Variants in N4BP2 observed in about 807,000 individuals in gnomAD.
N4BP2 encodes the protein NEDD4-binding protein 2.
A neutral mutation model predicts 152.8 loss-of-function variants in N4BP2; 91 were observed. The ratio of observed to expected loss-of-function variants is 0.60; its 90% CI spans 0.50 to 0.71. N4BP2 has a LOEUF of 0.71. Among genes scored for constraint, N4BP2 ranks in the 30% least tolerant of loss-of-function variants. N4BP2 has a pLI of 0.00. For synonymous variants in N4BP2, 646 were observed against 705.3 expected (o/e 0.92, Z 1.33); for missense variants, 1,923 against 2,059.1 (o/e 0.93, Z 1.28).
rs113970476 is a variant in N4BP2 at position 40,102,330 on chromosome 4, A to G, written c.485A>G (p.Tyr162Cys). 1 of 1,613,470 alleles carries G rather than the reference A, an allele frequency of 6.2e-7. No individual in the cohort carries two copies. The highest frequency in any genetic ancestry group is 8.5e-7 in the Non-Finnish European group (1 of 1,179,788). The change falls in exon 4 of 18, where the codon TAC (tyrosine) becomes TGC (cysteine). Residue 162 changes from tyrosine to cysteine, a missense_variant. By Grantham distance (194) the Tyr-to-Cys change is radical. Coordinates refer to ENST00000261435, the MANE Select transcript of N4BP2 (RefSeq NM_018177.6). ...AACTCTTCTCCTGATGACCAAGTATACTCATTTTTGCCTTCACAAGATGTT... is the reference window on the plus strand; with the variant it reads ...AACTCTTCTCCTGATGACCAAGTATGCTCATTTTTGCCTTCACAAGATGTT... The part of the protein sequence containing the change: ...KLNSSPDDQV[Y>C]SFLPSQDVNS...
intron 1 of N4BP2, among the ~76,000 whole-genome samples, chr4:40,072,242 A>ATTTTTT (rs34754962): frequency 3.4e-5 from 4 of 117,572 alleles, no homozygotes; most frequent in Non-Finnish European, 3.4e-5. Context: ...TGCCTGGCTA[A>ATTTTTT]TTTTTTTTTT....
chr4:40,109,347 GC>G (rs1181885418), intron 5 of N4BP2, among the ~76,000 whole-genome samples: 3 of 152,014 alleles, frequency 2.0e-5, no homozygotes, highest in African/African-American at 7.3e-5. Flanking sequence ...ACTTTCCAAG[GC>G]CCAGTGTCCC....
chr4:40,066,320 CT>C (rs11384930), intron 1 of N4BP2, among the ~76,000 whole-genome samples: 35,832 of 128,556 alleles, frequency 0.28, 4,187 homozygotes, highest in South Asian at 0.44. Context: ...GTGATTTTCC[CT>C]TTTTTTTTTT....
At chr4:40,085,733 G>A (rs564319422) in intron 2 of N4BP2, among the ~76,000 whole-genome samples, 3 of 152,304 alleles carry the variant, frequency 2.0e-5, no homozygotes, top group East Asian at 3.9e-4. Context: ...GAGAGTGGCA[G>A]TGTCCTCTGG....
rs532981291 is a variant in N4BP2 at position 40,121,953 on chromosome 4, C to T, written c.3842C>T (p.Pro1281Leu). 3 of 1,563,928 alleles carry T rather than the reference C, an allele frequency of 1.9e-6. No homozygotes were observed. The African/African-American group carries it at 4.1e-5, about 22-fold the overall frequency. Residue 1281 changes from proline (P) to leucine (L), a missense_variant, in exon 9 of 18, where the codon CCT (proline) becomes CTT (leucine). Physicochemically the swap from Pro to Leu is moderately conservative, Grantham distance 98. Transcript: ENST00000261435. ...VTETGDNIHSPSHFSDIFNFV... is the reference protein window; with the variant it reads ...VTETGDNIHSLSHFSDIFNFV... ...GAGACTGGAGACAACATACATTCTC[C>T]TTCACATTTCTCTGATATTTTTAAC...
intron 15 of N4BP2, 90 bp from the exon 16 acceptor site, chr4:40,144,542 C>T: frequency 1.0e-6 from 1 of 994,562 alleles, no homozygotes; most frequent in Non-Finnish European, 1.5e-6. Flanking sequence ...CCCTTTTTCC[C>T]CCTTCCTTTT....
At chr4:40,189,211 T>C in the N4BP2 span, among the ~76,000 whole-genome samples, 1 of 149,026 alleles carries the variant, frequency 6.7e-6, no homozygotes, top group Non-Finnish European at 1.5e-5. This position sits in a 1 kb window ranked among gnomAD's most constrained non-coding sequence, Gnocchi z 4.3. Context: ...GAGCAGAGAA[T>C]AACAAGCTGA....
At chr4:40,096,823 G>A (rs1432290017) in intron 2 of N4BP2, among the ~76,000 whole-genome samples, 1 of 152,154 alleles carries the variant, frequency 6.6e-6, no homozygotes, top group Non-Finnish European at 1.5e-5. Context: ...TCATTGGAAG[G>A]ATATAGTTGC....
Position 40,156,497 on chromosome 4 carries a change from A to G in N4BP2, c.*2260A>G, listed in dbSNP as rs1210774341. 1 of 152,140 alleles carries G rather than the reference A, an allele frequency of 6.6e-6. No homozygotes were observed. The highest frequency in any genetic ancestry group is 1.5e-5 in the Non-Finnish European group (1 of 67,984). The allele number at this position is 152,140 out of a possible 1,614,324, so 9.4% of individuals were successfully genotyped here. On this transcript the variant is annotated 3_prime_UTR_variant, in exon 18 of 18. Transcript: ENST00000261435. ...TTTTTATGAAGCTGCTTAATTCCAA[A>G]TTGCCTCCCACCCCACTATCTAGCA... is the stretch of plus-strand genomic sequence containing the variant.
At chr4:40,180,749 G>A in the N4BP2 span, among the ~76,000 whole-genome samples, 1 of 152,224 alleles carries the variant, frequency 6.6e-6, no homozygotes, top group African/African-American at 2.4e-5. Context: ...ATTAAAGGGT[G>A]AGGTTAATCT....
At chr4:40,162,166 T>A, downstream of N4BP2, among the ~76,000 whole-genome samples, 1 of 152,126 alleles carries the variant, frequency 6.6e-6, no homozygotes, top group Admixed American at 6.6e-5. Context: ...TCATCAAAGA[T>A]CTGGGAAATG....
chr4:40,140,225 C>CTTTTGATTTTGTATTTTGGTAT (rs1719792861), intron 14 of N4BP2, among the ~76,000 whole-genome samples: 1 of 152,066 alleles, frequency 6.6e-6, no homozygotes, highest in Admixed American at 6.6e-5. Flanking sequence ...GTATTTAGGA[C>CTTTTGATTTTGTATTTTGGTAT]TTAGGTAATT....
chr4:40,171,934 C>A, the N4BP2 span, among the ~76,000 whole-genome samples: 1 of 152,148 alleles, frequency 6.6e-6, no homozygotes. Flanking sequence ...GAGATGGAGT[C>A]TCACTCTGTC....
At chr4:40,174,879 G>A in the N4BP2 span, among the ~76,000 whole-genome samples, 1 of 151,098 alleles carries the variant, frequency 6.6e-6, no homozygotes, top group Non-Finnish European at 1.5e-5. Flanking sequence ...GATAGACTCT[G>A]GGATATTATT....
chr4:40,126,665 G>A (rs1718438682), intron 12 of N4BP2, among the ~76,000 whole-genome samples: 1 of 152,006 alleles, frequency 6.6e-6, no homozygotes, highest in African/African-American at 2.4e-5. Context: ...GACTACAGTG[G>A]CGTGATCACA....
intron 2 of N4BP2, among the ~76,000 whole-genome samples, chr4:40,094,247 G>A (rs1373908975): frequency 6.6e-6 from 1 of 152,154 alleles, no homozygotes; most frequent in Non-Finnish European, 1.5e-5. Context: ...TTGTGGTTTG[G>A]TTTTAGCTTA....
intron 14 of N4BP2, 35 bp downstream of exon 14, chr4:40,137,117 G>A (rs563942421): frequency 2.0e-6 from 3 of 1,496,804 alleles, no homozygotes; most frequent in Admixed American, 3.9e-5. Context: ...TACAAGGGTA[G>A]ATAATTGCAT....
chr4:40,097,451 A>C lies in N4BP2; in HGVS notation c.111A>C (p.Leu37=). Residue 37 remains leucine (L), a synonymous_variant, in exon 3 of 18, where the codon CTA becomes CTC. Transcript: ENST00000261435. ...GTCGTGAGGAGCCAACCACTACTCT[A>C]CCTTCCATGGGTGAGACAAAAGTTG... ...VASREEPTTT[L]PSMGETKVDQ... 6.2e-7 allele frequency: 1 copy of C among 1,614,022 alleles called. No homozygotes were observed. The highest frequency in any genetic ancestry group is 8.5e-7 in the Non-Finnish European group (1 of 1,179,950).
chr4:40,173,560 A>G, the N4BP2 span, among the ~76,000 whole-genome samples: 14 of 152,220 alleles, frequency 9.2e-5, no homozygotes, highest in African/African-American at 3.1e-4. Context: ...ATGATGATGA[A>G]CATCAGATGG....
Sources: gnomAD v4.1 joint callset for allele counts (sites outside exome capture counted in the v4.1 genomes callset) on GRCh38, gnomAD v4.1.1 for gene constraint, Gnocchi (gnomAD v3.1) non-coding constraint, MANE v1.5 for transcripts, NCBI Gene and HGNC (gene_info 2026-07-23, HGNC 2026-07-21) for gene names.